CPLANE1: variants seen among roughly 807,000 people sequenced by gnomAD.
The protein encoded by CPLANE1 is ciliogenesis and planar polarity effector complex subunit 1.
CPLANE1 carries 263 observed loss-of-function variants against 362.5 expected under a neutral mutation model. That is an observed-to-expected ratio of 0.73 (90% CI 0.66 to 0.80). The LOEUF (loss-of-function observed/expected upper bound fraction) is 0.80. Among genes scored for constraint, CPLANE1 ranks in the 30% least tolerant of loss-of-function variants. The pLI, the probability that CPLANE1 is intolerant of heterozygous loss-of-function variation, is 0.00. For missense variants in CPLANE1, 3,461 were observed against 3,793.4 expected (o/e 0.91, Z 2.30); for synonymous variants, 1,212 against 1,302.6 (o/e 0.93, Z 1.50).
At chr5:37,245,297 CTATATATATATATATATATATATA>C (rs57781968) in intron 4 of CPLANE1, among the ~76,000 whole-genome samples, 158 bp downstream of exon 4, 1,944 of 59,734 alleles carry the variant, frequency 0.033, 118 homozygotes, top group East Asian at 0.31. Flanking sequence ...ATAACCAAAA[CTATATATATATATATATATATATA>C]TATATATATA....
rs751865043 is a variant in CPLANE1 at position 37,148,239 on chromosome 5, A to G, written c.8403T>C (p.Ser2801=). The stretch of plus-strand genomic sequence containing the variant: ...ATGTTTTTTTGAATTCAGGGCCAGA[A>G]GAGAATTCAATGTGATCCACTGGTC... The part of the protein sequence containing the change: ...KIGPVDHIEF[S]SGPEFKKTLA... Residue 2801 remains serine, a synonymous_variant, in exon 43 of 53, where the codon TCT becomes TCC. Transcript: ENST00000651892. 6 of 1,612,300 alleles carry G rather than the reference A, an allele frequency of 3.7e-6. No individual in the cohort carries two copies. The highest frequency in any genetic ancestry group is 1.7e-5 in the Admixed American group (1 of 59,924).
rs770758833 is a variant in CPLANE1, at chr5:37,125,314, GC to G, written c.8887del (p.Ala2963GlnfsTer4). ...WMKRKRKERMAKYLNELAEKR... is the reference protein window; with the variant it reads ...WMKRKRKERMXKYLNELAEKR... ...TTCTGCCAGCTCATTTAAGTACTTT[GC>G]CATTCTTTCTTTTCGTTTTCTTTTC... On this transcript the variant is annotated frameshift_variant, in exon 47 of 53. Coordinates refer to ENST00000651892, the MANE Select transcript of CPLANE1 (RefSeq NM_001384732.1). LOFTEE classifies it high-confidence loss of function. 5.0e-6 allele frequency: 8 copies of G among 1,613,802 alleles called. No individual in the cohort carries two copies. Among genetic ancestry groups the G allele is most frequent in the Non-Finnish European group, 6.8e-6 (8 of 1,179,880 alleles).
intron 48 of CPLANE1, 61 bp downstream of exon 48, chr5:37,122,369 A>T: frequency 7.9e-7 from 1 of 1,268,182 alleles, no homozygotes; most frequent in Non-Finnish European, 1.1e-6. Context: ...CTAAGGCATT[A>T]ATCTATGCCT....
intron 51 of CPLANE1, among the ~76,000 whole-genome samples, chr5:37,111,296 T>G (rs1409098357): frequency 6.6e-6 from 1 of 150,798 alleles, no homozygotes; most frequent in Non-Finnish European, 1.5e-5. Flanking sequence ...AATTTTTTTT[T>G]TGTATTTTTA....
intron 49 of CPLANE1, among the ~76,000 whole-genome samples, chr5:37,121,178 C>T (rs75970304): frequency 0.012 from 1,807 of 152,238 alleles, 34 homozygotes; most frequent in African/African-American, 0.041. Context: ...ATAGTAGCTA[C>T]AGCTGAATGA....
At chr5:37,125,058 T>G (rs944355977) in intron 47 of CPLANE1, 186 bp downstream of exon 47, 1 of 1,360,418 alleles carries the variant, frequency 7.4e-7, no homozygotes, top group African/African-American at 1.5e-5. Context: ...ATAACTTGGT[T>G]AGCACAATAT....
At chr5:37,115,597 C>CTTTTTTTT (rs202050168) in intron 50 of CPLANE1, among the ~76,000 whole-genome samples, 1 of 124,670 alleles carries the variant, frequency 8.0e-6, no homozygotes. Flanking sequence ...ACTTTTATTT[C>CTTTTTTTT]TTTTTTTTTT....
chr5:37,095,312 T>C, the CPLANE1 span, among the ~76,000 whole-genome samples: 1 of 152,104 alleles, frequency 6.6e-6, no homozygotes, highest in Non-Finnish European at 1.5e-5. Flanking sequence ...ACACCACATA[T>C]ACAGAATTAA....
At position 37,169,010 on chromosome 5, in the gene CPLANE1, T is replaced by C; in HGVS notation, c.7014A>G (p.Pro2338=). 1 of 1,614,156 alleles carries C rather than the reference T, an allele frequency of 6.2e-7. No homozygotes were observed. The change falls in exon 34 of 53, where the codon CCA becomes CCG. Residue 2338 remains proline, a synonymous_variant. Transcript: ENST00000651892. ...CTGGCTTAACATCAAATAGTTTTTC[T>C]GGTTTTATAAACACTGAAGAGTCCT... ...PQQDSSVFIK[P]EKLFDVKPGT...
intron 46 of CPLANE1, 73 bp from the exon 47 acceptor site, chr5:37,125,482 C>T: frequency 7.1e-7 from 1 of 1,407,860 alleles, no homozygotes; most frequent in Non-Finnish European, 9.8e-7. Context: ...CATGACTAAA[C>T]ACTATTTATC....
the CPLANE1 span, among the ~76,000 whole-genome samples, chr5:37,095,964 G>A: frequency 6.6e-6 from 1 of 152,152 alleles, no homozygotes; most frequent in East Asian, 1.9e-4. Context: ...CATGCTCATG[G>A]ATGGATAGAA....
chr5:37,146,940 T>TAAAGA (rs751956729), intron 43 of CPLANE1, among the ~76,000 whole-genome samples: 19 of 152,324 alleles, frequency 1.2e-4, no homozygotes, highest in Non-Finnish European at 2.4e-4. Flanking sequence ...GGTTATTACT[T>TAAAGA]AATGATAAAA....
At chr5:37,130,188 G>A (rs1765367022) in intron 46 of CPLANE1, among the ~76,000 whole-genome samples, 1 of 152,144 alleles carries the variant, frequency 6.6e-6, no homozygotes, top group African/African-American at 2.4e-5. Flanking sequence ...AAGCTATGAG[G>A]AGGCAAAGGC....
Position 37,209,439 on chromosome 5 carries a change from A to G in CPLANE1, c.2921-3014T>C. The G allele has an allele frequency of 7.6e-7, 1 of 1,311,776 alleles. No individual in the cohort carries two copies. The highest frequency in any genetic ancestry group is 1.1e-6 in the Non-Finnish European group (1 of 906,612). 81.3% of individuals were successfully genotyped at this position (1,311,776 alleles called of 1,614,324 possible). On this transcript the variant is annotated intron_variant, in intron 16 of 52. Coordinates refer to ENST00000651892, the MANE Select transcript of CPLANE1 (RefSeq NM_001384732.1). This position sits in a 1 kb window ranked among gnomAD's most constrained non-coding sequence, Gnocchi z 4.6. ...TGAACTGCGCAAAAAGCTATACCAG[A>G]CATTTAAGGATCGGGGTATACTGGA... is the stretch of plus-strand genomic sequence containing the variant.
In CPLANE1 at chr5:37,222,530, A is replaced by T. The variant is rs140210981; in HGVS notation, c.2582-1042T>A. Among the ~76,000 whole-genome samples, 5 of 152,168 alleles carry T rather than the reference A, an allele frequency of 3.3e-5. No homozygotes were observed. In the East Asian group the frequency reaches 9.7e-4, roughly 29 times the overall value. On this transcript the variant is annotated intron_variant, in intron 14 of 52. Coordinates refer to ENST00000651892, the MANE Select transcript of CPLANE1 (RefSeq NM_001384732.1). ...TGCCCTCCTTTCACAAAGGAAAGCC[A>T]CTCTTTCTCTGTTGAAGCCACTGCT... is the stretch of plus-strand genomic sequence containing the variant.
At chr5:37,187,948 T>C in intron 21 of CPLANE1, 106 bp from the exon 22 acceptor site, 1 of 640,992 alleles carries the variant, frequency 1.6e-6, no homozygotes, top group Non-Finnish European at 2.5e-6. Context: ...AGGTCTTTAT[T>C]TCATTCATTA....
intron 15 of CPLANE1, among the ~76,000 whole-genome samples, chr5:37,219,111 C>T (rs1439220399): frequency 1.3e-5 from 2 of 152,148 alleles, no homozygotes; most frequent in Non-Finnish European, 2.9e-5. Flanking sequence ...TACAGTGGCT[C>T]ACACCTATAA....
Position 37,107,569 on chromosome 5 carries a change from G to A in CPLANE1, c.*33C>T. 1 of 1,572,414 alleles carries A rather than the reference G, an allele frequency of 6.4e-7. No homozygotes were observed. The highest frequency in any genetic ancestry group is 1.2e-5 in the South Asian group (1 of 85,430). ...TCAGAACCACATTACTGAGGTGCTG[G>A]CCTGTGCATGGAAACCCAATGATAT... On this transcript the variant is annotated 3_prime_UTR_variant, in exon 53 of 53. Coordinates refer to ENST00000651892, the MANE Select transcript of CPLANE1 (RefSeq NM_001384732.1).
At chr5:37,171,752 C>G (rs1779854054) in intron 32 of CPLANE1, among the ~76,000 whole-genome samples, 1 of 102,016 alleles carries the variant, frequency 9.8e-6, no homozygotes. Flanking sequence ...CTTACTCTCT[C>G]TCTCTCTCTC....
Sources: allele counts gnomAD v4.1 joint callset (sites outside exome capture counted in the v4.1 genomes callset), GRCh38; gene constraint gnomAD v4.1.1; non-coding constraint Gnocchi (gnomAD v3.1); transcripts MANE v1.5; gene names NCBI Gene and HGNC (gene_info 2026-07-23, HGNC 2026-07-21).